Variants in NRXN3 observed in about 807,000 individuals in gnomAD.
The protein encoded by NRXN3 is neurexin 3.
A neutral mutation model predicts 137.6 loss-of-function variants in NRXN3; 32 were observed. The ratio of observed to expected loss-of-function variants is 0.23; its 90% CI spans 0.18 to 0.31. The LOEUF (loss-of-function observed/expected upper bound fraction) is 0.31, where lower values mean the gene tolerates loss of function less well. Among genes scored for constraint, NRXN3 ranks in the 10% least tolerant of loss-of-function variants. The pLI is 1.00. For synonymous variants in NRXN3, 798 were observed against 784.5 expected (o/e 1.02, Z -0.29); for missense variants, 1,574 against 2,062.5 (o/e 0.76, Z 4.59).
At chr14:78,170,888 T>C (rs974822753) in intron 1 of NRXN3, among the ~76,000 whole-genome samples, 76 of 152,040 alleles carry the variant, frequency 5.0e-4, no homozygotes, top group African/African-American at 1.8e-3. Flanking sequence ...CTCCTGGAAG[T>C]TGGGTCCTTT....
At chr14:79,376,830 A>G (rs1432350029) in intron 15 of NRXN3, among the ~76,000 whole-genome samples, 1 of 152,148 alleles carries the variant, frequency 6.6e-6, no homozygotes. Flanking sequence ...TAAGTGCACT[A>G]TTGCCAGTCA....
chr14:79,038,749 C>T (rs1422779563), intron 15 of NRXN3, among the ~76,000 whole-genome samples: 1 of 152,082 alleles, frequency 6.6e-6, no homozygotes, highest in Non-Finnish European at 1.5e-5. Flanking sequence ...TTATTTACAT[C>T]CAAATGAATT....
intron 4 of NRXN3, among the ~76,000 whole-genome samples, chr14:78,414,451 C>T (rs537198758): frequency 5.3e-5 from 8 of 152,268 alleles, no homozygotes; most frequent in Admixed American, 2.6e-4. Flanking sequence ...TCTTTTTAGA[C>T]GGGCAAGTTG....
chr14:78,932,673 C>A (rs1175382271), intron 10 of NRXN3, among the ~76,000 whole-genome samples: 1 of 152,160 alleles, frequency 6.6e-6, no homozygotes, highest in Non-Finnish European at 1.5e-5. Context: ...TTGGACTTTG[C>A]AATGTACTTG....
In NRXN3 at chr14:78,567,573, C is replaced by T. The variant is rs562702938; in HGVS notation, c.758-77547C>T. 2.6e-5 allele frequency among the ~76,000 whole-genome samples: 4 copies of T among 152,244 alleles called. No homozygotes were observed. The South Asian group carries it at 6.2e-4, about 24-fold the overall frequency. ...CTCTTGGTTAAAGCTAATGGGGCTCCCCCAGCCAGTGAGTGTCTCCTAGTT... is the reference window on the plus strand; with the variant it reads ...CTCTTGGTTAAAGCTAATGGGGCTCTCCCAGCCAGTGAGTGTCTCCTAGTT... On this transcript the variant is annotated intron_variant, in intron 4 of 20. Coordinates refer to ENST00000335750, the MANE Select transcript of NRXN3 (RefSeq NM_001330195.2).
At chr14:79,382,448 GTC>G (rs1260029600) in intron 15 of NRXN3, among the ~76,000 whole-genome samples, 1 of 152,124 alleles carries the variant, frequency 6.6e-6, no homozygotes, top group Non-Finnish European at 1.5e-5. Context: ...CTAGGGCTAT[GTC>G]CAGAAACTAG....
intron 17 of NRXN3, among the ~76,000 whole-genome samples, chr14:79,666,292 G>C (rs1273515854): frequency 1.3e-5 from 2 of 152,052 alleles, no homozygotes; most frequent in African/African-American, 4.8e-5. Flanking sequence ...TAGACAACCA[G>C]GGTAATGATA....
rs537707512 is a variant in NRXN3, at chr14:79,055,665, A to G, written c.3262+67524A>G. 2.6e-5 allele frequency among the ~76,000 whole-genome samples: 4 copies of G among 152,340 alleles called. No individual in the cohort carries two copies. In the South Asian group the frequency reaches 8.3e-4, roughly 32 times the overall value. ...TATTAACATTCTAATCTTAATAGGA[A>G]AAACTAAAGGATGCTGTGGGAATAA... On this transcript the variant is annotated intron_variant, in intron 15 of 20. Coordinates refer to ENST00000335750, the MANE Select transcript of NRXN3 (RefSeq NM_001330195.2).
At chr14:79,418,062 A>G (rs2095522934) in intron 15 of NRXN3, among the ~76,000 whole-genome samples, 1 of 152,128 alleles carries the variant, frequency 6.6e-6, no homozygotes, top group Non-Finnish European at 1.5e-5. Flanking sequence ...CATGAGTTAA[A>G]CCAAGACTAA....
intron 14 of NRXN3, among the ~76,000 whole-genome samples, chr14:78,979,334 A>G (rs966462426): frequency 6.6e-6 from 1 of 152,290 alleles, no homozygotes; most frequent in African/African-American, 2.4e-5. Flanking sequence ...TCGAGACTAT[A>G]GATTGCTCAG....
intron 15 of NRXN3, among the ~76,000 whole-genome samples, chr14:79,321,766 A>G (rs2090064056): frequency 6.7e-6 from 1 of 150,124 alleles, no homozygotes; most frequent in Admixed American, 6.7e-5. Flanking sequence ...GTGTAATTAC[A>G]CATATCTATA....
intron 4 of NRXN3, among the ~76,000 whole-genome samples, chr14:78,375,731 G>T (rs549466305): frequency 6.6e-6 from 1 of 152,220 alleles, no homozygotes; most frequent in Admixed American, 6.5e-5. Flanking sequence ...CATTAGGGAA[G>T]ATCTTTCCAA....
chr14:79,432,826 C>G (rs560527472), intron 15 of NRXN3, among the ~76,000 whole-genome samples: 12 of 152,106 alleles, frequency 7.9e-5, no homozygotes, highest in Non-Finnish European at 1.8e-4. Flanking sequence ...GTGATTGGCA[C>G]GTGTTACTGA....
chr14:78,221,256 T>C (rs1368132432), intron 1 of NRXN3, among the ~76,000 whole-genome samples: 2 of 151,960 alleles, frequency 1.3e-5, no homozygotes, highest in African/African-American at 4.8e-5. Context: ...ATAGCTTTGG[T>C]GAGGTTAGCA....
chr14:78,206,801 A>C (rs1189172454), intron 1 of NRXN3, among the ~76,000 whole-genome samples: 2 of 152,098 alleles, frequency 1.3e-5, no homozygotes, highest in East Asian at 3.9e-4. Flanking sequence ...CAACTTGTCC[A>C]AGGTTACACA....
intron 7 of NRXN3, among the ~76,000 whole-genome samples, chr14:78,710,554 T>C (rs2098398263): frequency 6.6e-6 from 1 of 152,228 alleles, no homozygotes; most frequent in Non-Finnish European, 1.5e-5. Context: ...TTAGGTAGGA[T>C]GTACTCAAGA....
chr14:79,240,143 G>A (rs1007450389), intron 15 of NRXN3, among the ~76,000 whole-genome samples: 1 of 152,118 alleles, frequency 6.6e-6, no homozygotes, highest in African/African-American at 2.4e-5. Flanking sequence ...TAACATCACT[G>A]TGTACCATAC....
chr14:79,003,120 A>G (rs2099545113), intron 15 of NRXN3, among the ~76,000 whole-genome samples: 1 of 152,162 alleles, frequency 6.6e-6, no homozygotes, highest in African/African-American at 2.4e-5. Flanking sequence ...CTTGAACTAC[A>G]GGAACCCATC....
At chr14:78,527,692 TAGG>T (rs1483411743) in intron 4 of NRXN3, among the ~76,000 whole-genome samples, 3 of 152,138 alleles carry the variant, frequency 2.0e-5, no homozygotes, top group Non-Finnish European at 4.4e-5. Flanking sequence ...GGGAGGCAAA[TAGG>T]AGAATTAAAT....
Sources: allele counts gnomAD v4.1 joint callset (sites outside exome capture counted in the v4.1 genomes callset), GRCh38; gene constraint gnomAD v4.1.1; transcripts MANE v1.5; gene names NCBI Gene and HGNC (gene_info 2026-07-23, HGNC 2026-07-21).